The following RNF212B variants were observed in gnomAD, a reference collection of about 807,000 sequenced individuals.
RNF212B encodes E3 ubiquitin-protein ligase RNF212B.
RNF212B carries 52 observed loss-of-function variants against 55.5 expected under a neutral mutation model. The observed-to-expected ratio is 0.94, with a 90% CI of 0.75 to 1.18. The LOEUF (loss-of-function observed/expected upper bound fraction) is 1.18. Among genes scored for constraint, RNF212B ranks in the 50% most tolerant of loss-of-function variants. The pLI, the probability that RNF212B is intolerant of heterozygous loss-of-function variation, is 0.00. For missense variants in RNF212B, 289 were observed against 350.4 expected (o/e 0.82, Z 1.40); for synonymous variants, 99 against 121.4 (o/e 0.82, Z 1.21).
chr14:23,270,942 A>C (rs1383782973), intron 14 of RNF212B, among the ~76,000 whole-genome samples: 3 of 152,214 alleles, frequency 2.0e-5, no homozygotes, highest in Non-Finnish European at 4.4e-5. Context: ...GGACACATGG[A>C]CATCTTCAGT....
At chr14:23,194,391 AAATTT>A (rs1345625821) in intron 2 of RNF212B, among the ~76,000 whole-genome samples, 3 of 152,216 alleles carry the variant, frequency 2.0e-5, no homozygotes. Flanking sequence ...ATTGAAAAAC[AAATTT>A]GGAAAATTTG....
intron 4 of RNF212B, among the ~76,000 whole-genome samples, chr14:23,246,496 C>T (rs531384814): frequency 3.7e-4 from 56 of 152,192 alleles, no homozygotes; most frequent in African/African-American, 1.3e-3. Context: ...CATACTTCCT[C>T]ACATGTAATA....
intron 2 of RNF212B, among the ~76,000 whole-genome samples, chr14:23,218,483 G>T (rs1005092714): frequency 4.0e-5 from 6 of 151,734 alleles, no homozygotes; most frequent in Admixed American, 3.3e-4. Context: ...TGAGTTTGAA[G>T]ACAAGCTATT....
At chr14:23,262,260 T>C (rs937867218) in intron 7 of RNF212B, among the ~76,000 whole-genome samples, 2 of 152,170 alleles carry the variant, frequency 1.3e-5, no homozygotes, top group Non-Finnish European at 2.9e-5. Context: ...CCCAAATATA[T>C]GCTTGTTGGA....
intron 4 of RNF212B, among the ~76,000 whole-genome samples, chr14:23,255,706 A>AT (rs1460094350): frequency 6.6e-6 from 1 of 152,180 alleles, no homozygotes; most frequent in East Asian, 1.9e-4. Flanking sequence ...TTCTAAAAAA[A>AT]TTTTTTTAAT....
intron 2 of RNF212B, among the ~76,000 whole-genome samples, chr14:23,220,829 A>C (rs1376649161): frequency 6.6e-6 from 1 of 152,152 alleles, no homozygotes; most frequent in African/African-American, 2.4e-5. Context: ...CATCAAAAAA[A>C]ACAAAACAAA....
intron 2 of RNF212B, among the ~76,000 whole-genome samples, chr14:23,208,009 G>A (rs146809272): frequency 2.0e-5 from 3 of 152,330 alleles, no homozygotes; most frequent in African/African-American, 4.8e-5. Context: ...GAGGCAATCA[G>A]ATATGCATCT....
intron 2 of RNF212B, among the ~76,000 whole-genome samples, chr14:23,205,903 T>C (rs1401436109): frequency 6.6e-6 from 1 of 152,244 alleles, no homozygotes; most frequent in Non-Finnish European, 1.5e-5. Flanking sequence ...TATGCCAAAT[T>C]TTGACACCTT....
rs1341404569 is a variant in RNF212B, at chr14:23,225,369, A to G, written c.-1-14976A>G. On this transcript the variant is annotated intron_variant, in intron 2 of 15. Coordinates refer to the RNF212B transcript ENST00000399910. Reference sequence around the variant, plus strand: ...ATATCTGCACTCCCTTGTGTGTTGCAGCACTGTTCACAATAGCCAAGATTT... The same window carrying G: ...ATATCTGCACTCCCTTGTGTGTTGCGGCACTGTTCACAATAGCCAAGATTT... 2.0e-5 allele frequency among the ~76,000 whole-genome samples: 3 copies of G among 152,258 alleles called. No homozygotes were observed. The East Asian group carries it at 5.8e-4, about 29-fold the overall frequency.
At chr14:23,207,241 T>G (rs1220573139) in intron 2 of RNF212B, among the ~76,000 whole-genome samples, 1 of 152,184 alleles carries the variant, frequency 6.6e-6, no homozygotes, top group African/African-American at 2.4e-5. Context: ...AAATGCTAAC[T>G]TTAGTCATTT....
At chr14:23,228,462 CAA>C (rs776673043) in intron 2 of RNF212B, among the ~76,000 whole-genome samples, 58 of 76,092 alleles carry the variant, frequency 7.6e-4, no homozygotes, top group East Asian at 1.9e-3. Flanking sequence ...CTATCTCTAC[CAA>C]AAAAAAAAAA....
chr14:23,230,437 G>A (rs1167792534), intron 2 of RNF212B, among the ~76,000 whole-genome samples: 7 of 151,940 alleles, frequency 4.6e-5, no homozygotes, highest in African/African-American at 1.4e-4. Context: ...GGTGGATCAC[G>A]AGGTCAAGAG....
At chr14:23,263,886 G>C (rs568878772) in intron 9 of RNF212B, among the ~76,000 whole-genome samples, 2 of 152,116 alleles carry the variant, frequency 1.3e-5, no homozygotes, top group Non-Finnish European at 2.9e-5. Context: ...TCAGGAGTTC[G>C]AGACCAGTGT....
upstream of RNF212B, among the ~76,000 whole-genome samples, chr14:23,235,949 T>G (rs1883061852): frequency 6.6e-6 from 1 of 152,228 alleles, no homozygotes; most frequent in Admixed American, 6.5e-5. Context: ...ACTTCCTGAA[T>G]TTTTATGTGA....
intron 2 of RNF212B, among the ~76,000 whole-genome samples, chr14:23,208,778 A>ATTTTTTTTTTT (rs1880135706): frequency 2.4e-4 from 1 of 4,116 alleles, no homozygotes; most frequent in African/African-American, 6.8e-4. Context: ...TTTTTTTTTG[A>ATTTTTTTTTTT]GACGGAGTCT....
intron 4 of RNF212B, among the ~76,000 whole-genome samples, chr14:23,253,402 C>G (rs902073859): frequency 2.6e-5 from 4 of 152,004 alleles, no homozygotes; most frequent in Admixed American, 2.6e-4. Flanking sequence ...GGTCTTTTGT[C>G]TATAGAGTTG....
chr14:23,269,925 C>T lies in RNF212B; in HGVS notation c.737C>T (p.Ser246Leu). The change falls in exon 13 of 15, where the codon TCA (serine) becomes TTA (leucine). Residue 246 changes from serine (S) to leucine (L), a missense_variant. By Grantham distance (145) the Ser-to-Leu change is moderately radical. Transcript: ENST00000430154. ...FSFRPSPNGH[S>L]GHTRVLTPNN... ...TTCAGACCATCCCCAAATGGGCATTCAGGCCACACAAGAGTCCTCACCCCC... is the reference window on the plus strand; with the variant it reads ...TTCAGACCATCCCCAAATGGGCATTTAGGCCACACAAGAGTCCTCACCCCC... The T allele has an allele frequency of 1.9e-6, 3 of 1,549,364 alleles. No individual in the cohort carries two copies. Among genetic ancestry groups the T allele is most frequent in the Non-Finnish European group, 2.6e-6 (3 of 1,145,896 alleles).
chr14:23,208,063 G>C (rs768569464), intron 2 of RNF212B, among the ~76,000 whole-genome samples: 4 of 152,208 alleles, frequency 2.6e-5, no homozygotes, highest in Admixed American at 1.3e-4. Context: ...ATGGGAGGCA[G>C]GTTTGCCCTA....
chr14:23,267,748 G>T (rs1275835155), intron 11 of RNF212B, among the ~76,000 whole-genome samples: 9 of 152,036 alleles, frequency 5.9e-5, no homozygotes, highest in African/African-American at 7.2e-5. Context: ...TTGTCTTAAA[G>T]TCTATTTTGT....
Sources: gnomAD v4.1 joint callset for allele counts (sites outside exome capture counted in the v4.1 genomes callset) on GRCh38, gnomAD v4.1.1 for gene constraint, MANE v1.5 for transcripts, NCBI Gene and HGNC (gene_info 2026-07-23, HGNC 2026-07-21) for gene names.